The following NEDD4L variants were observed in gnomAD, a reference collection of about 807,000 sequenced individuals.
NEDD4L encodes E3 ubiquitin-protein ligase NEDD4-like.
A neutral mutation model predicts 148.9 loss-of-function variants in NEDD4L; 54 were observed. The ratio of observed to expected loss-of-function variants is 0.36; its 90% CI spans 0.29 to 0.45. The LOEUF is 0.45. Among genes scored for constraint, NEDD4L ranks in the 20% least tolerant of loss-of-function variants. NEDD4L has a pLI of 1.00. For synonymous variants in NEDD4L, 433 were observed against 440.7 expected, an observed-to-expected ratio of 0.98 and a Z score of 0.22; for missense variants, 856 against 1,233.8, an observed-to-expected ratio of 0.69 and a Z score of 4.59.
intron 1 of NEDD4L, among the ~76,000 whole-genome samples, chr18:58,108,224 G>T (rs527434440): frequency 6.6e-6 from 1 of 152,024 alleles, no homozygotes; most frequent in Non-Finnish European, 1.5e-5. Context: ...TAAAAGCTTT[G>T]GGGTGCCTCA....
chr18:58,301,251 A>G (rs1034558677), intron 5 of NEDD4L, among the ~76,000 whole-genome samples: 4 of 152,202 alleles, frequency 2.6e-5, no homozygotes, highest in South Asian at 4.1e-4. Flanking sequence ...GGCCATTGCT[A>G]TTCACTGACC....
chr18:58,265,551 G>A (rs2050098341), intron 5 of NEDD4L, among the ~76,000 whole-genome samples: 1 of 151,952 alleles, frequency 6.6e-6, no homozygotes, highest in African/African-American at 2.4e-5. Flanking sequence ...GAACAGAGAG[G>A]ATGAAGCTTT....
chr18:58,350,906 C>A, intron 17 of NEDD4L, 85 bp from the exon 18 acceptor site: 1 of 1,022,138 alleles, frequency 9.8e-7, no homozygotes, highest in South Asian at 1.4e-5. Flanking sequence ...CAGAGGTGTT[C>A]TATAGTTTTT....
intron 5 of NEDD4L, among the ~76,000 whole-genome samples, chr18:58,267,689 T>C (rs982517970): frequency 6.6e-6 from 1 of 152,092 alleles, no homozygotes; most frequent in Non-Finnish European, 1.5e-5. Context: ...GGAAGTGTTA[T>C]TTCAAGATGC....
intron 2 of NEDD4L, among the ~76,000 whole-genome samples, chr18:58,199,447 C>A (rs1324412912): frequency 6.6e-6 from 1 of 152,118 alleles, no homozygotes; most frequent in African/African-American, 2.4e-5. Flanking sequence ...TGGCACCTGA[C>A]ACACAGCCTA....
intron 9 of NEDD4L, among the ~76,000 whole-genome samples, chr18:58,326,251 G>A (rs1485294895): frequency 6.6e-6 from 1 of 152,140 alleles, no homozygotes; most frequent in East Asian, 1.9e-4. Context: ...CGAATAGCCT[G>A]TCTTCTCTGA....
intron 19 of NEDD4L, among the ~76,000 whole-genome samples, chr18:58,361,951 CGTT>C (rs2045544030): frequency 6.6e-6 from 1 of 151,724 alleles, no homozygotes; most frequent in Admixed American, 6.6e-5. Flanking sequence ...TGTCCTGGTA[CGTT>C]GTTGGAAAGT....
intron 16 of NEDD4L, among the ~76,000 whole-genome samples, chr18:58,343,979 C>G (rs9950996): frequency 6.6e-6 from 1 of 152,040 alleles, no homozygotes; most frequent in Non-Finnish European, 1.5e-5. Context: ...ATGTCCCCAT[C>G]GAATTGTCTA....
intron 2 of NEDD4L, among the ~76,000 whole-genome samples, chr18:58,214,057 C>T (rs2147784692): frequency 6.6e-6 from 1 of 152,304 alleles, no homozygotes; most frequent in South Asian, 2.1e-4. Flanking sequence ...CTCTCTTGAG[C>T]TGCCTGCACT....
intron 1 of NEDD4L, among the ~76,000 whole-genome samples, chr18:58,154,648 G>A (rs976062798): frequency 3.9e-5 from 6 of 152,112 alleles, no homozygotes; most frequent in Non-Finnish European, 8.8e-5. Flanking sequence ...TTAGCCAGAC[G>A]TGATGGCAGG....
intron 2 of NEDD4L, among the ~76,000 whole-genome samples, chr18:58,198,797 T>G (rs1156699899): frequency 1.3e-5 from 2 of 152,216 alleles, no homozygotes; most frequent in Admixed American, 6.5e-5. Context: ...TTTTTTGGCT[T>G]CTTTGTTTTT....
chr18:58,168,675 C>T (rs942457122), intron 2 of NEDD4L, among the ~76,000 whole-genome samples: 2 of 152,202 alleles, frequency 1.3e-5, no homozygotes, highest in Admixed American at 6.5e-5. Context: ...TGATCAGACA[C>T]CTCATTCTCC....
chr18:58,208,357 A>C (rs985741355), intron 2 of NEDD4L, among the ~76,000 whole-genome samples: 3 of 152,212 alleles, frequency 2.0e-5, no homozygotes, highest in Non-Finnish European at 2.9e-5. Flanking sequence ...AGAGCATCTA[A>C]AATTTGTTCC....
intron 2 of NEDD4L, among the ~76,000 whole-genome samples, chr18:58,195,191 A>G (rs948433795): frequency 1.3e-5 from 2 of 152,222 alleles, no homozygotes; most frequent in Admixed American, 1.3e-4. Context: ...CCTGAGAGGG[A>G]TCCCTGAGGC....
intron 5 of NEDD4L, among the ~76,000 whole-genome samples, chr18:58,301,102 G>A (rs147441762): frequency 1.1e-4 from 16 of 152,198 alleles, no homozygotes; most frequent in Middle Eastern, 3.4e-3. Context: ...TAGTCACCAG[G>A]TTCCTTTAAC....
intron 1 of NEDD4L, among the ~76,000 whole-genome samples, chr18:58,058,398 A>G (rs1457474854): frequency 6.6e-6 from 1 of 152,256 alleles, no homozygotes; most frequent in East Asian, 1.9e-4. Context: ...CACTGTTGGC[A>G]GCCATCACCC....
chr18:58,169,536 T>TC (rs2037306160), intron 2 of NEDD4L, among the ~76,000 whole-genome samples: 1 of 90,072 alleles, frequency 1.1e-5, no homozygotes, highest in Admixed American at 1.3e-4. Flanking sequence ...TGATTTTTTT[T>TC]CCCCAAAACA....
intron 5 of NEDD4L, chr18:58,314,476 A>C (rs1173482461): frequency 1.3e-5 from 2 of 151,980 alleles, no homozygotes; most frequent in Admixed American, 6.6e-5. Flanking sequence ...CACACTGCCT[A>C]ATTCCTTGTG....
At chr18:58,203,870 T>C (rs1165750509) in intron 2 of NEDD4L, among the ~76,000 whole-genome samples, 1 of 152,132 alleles carries the variant, frequency 6.6e-6, no homozygotes, top group Non-Finnish European at 1.5e-5. Flanking sequence ...AGGGCATAAT[T>C]AGAGAAAGTT....
Sources: gnomAD v4.1 joint callset for allele counts (sites outside exome capture counted in the v4.1 genomes callset) on GRCh38, gnomAD v4.1.1 for gene constraint, MANE v1.5 for transcripts, NCBI Gene and HGNC (gene_info 2026-07-23, HGNC 2026-07-21) for gene names.